Variants in CD55 observed in about 807,000 individuals in gnomAD.
The protein encoded by CD55 is CD55 molecule (Cromer blood group), also known as complement decay-accelerating factor.
A neutral mutation model predicts 45.8 loss-of-function variants in CD55; 41 were observed. The observed-to-expected ratio is 0.90, with a 90% CI of 0.70 to 1.16. The LOEUF (loss-of-function observed/expected upper bound fraction) is 1.16. Among genes scored for constraint, CD55 ranks in the 50% most tolerant of loss-of-function variants. The pLI is 0.00. For missense variants in CD55, 416 were observed against 469.8 expected, an observed-to-expected ratio of 0.89 and a Z score of 1.06; for synonymous variants, 181 against 181.1, an observed-to-expected ratio of 1.00 and a Z score of 0.01.
chr1:207,355,638 C>G (rs891898835), intron 9 of CD55, among the ~76,000 whole-genome samples: 6 of 152,096 alleles, frequency 3.9e-5, no homozygotes, highest in Admixed American at 2.6e-4. Flanking sequence ...GGCATATTTC[C>G]TGTGATGGAG....
intron 2 of CD55, among the ~76,000 whole-genome samples, chr1:207,323,179 A>G (rs959518071): frequency 2.0e-5 from 3 of 151,108 alleles, no homozygotes; most frequent in African/African-American, 7.3e-5. Context: ...AGGGAGAGAG[A>G]TATATATAAT....
chr1:207,353,672 T>G (rs1457619050), intron 9 of CD55, among the ~76,000 whole-genome samples: 1 of 152,164 alleles, frequency 6.6e-6, no homozygotes, highest in Non-Finnish European at 1.5e-5. Context: ...TGTGATACGT[T>G]TAGTCTGGAA....
At chr1:207,327,164 C>T (rs540378951) in intron 5 of CD55, among the ~76,000 whole-genome samples, 112 of 152,224 alleles carry the variant, frequency 7.4e-4, no homozygotes, top group African/African-American at 2.6e-3. Flanking sequence ...ATTTCCGCCC[C>T]ACAATTTTGT....
intron 7 of CD55, 82 bp from the exon 8 acceptor site, chr1:207,337,247 G>A: frequency 2.2e-6 from 2 of 890,548 alleles, no homozygotes; most frequent in Non-Finnish European, 1.9e-6. Context: ...TCCTTCAGCA[G>A]CACGTAAGTC....
intron 4 of CD55, 103 bp from the exon 5 acceptor site, chr1:207,326,649 C>A: frequency 1.2e-6 from 1 of 819,744 alleles, no homozygotes; most frequent in Non-Finnish European, 2.0e-6. Context: ...TTATATTCAC[C>A]TAATTGTGTA....
chr1:207,332,259 T>A (rs935884151), intron 6 of CD55, among the ~76,000 whole-genome samples: 6 of 152,152 alleles, frequency 3.9e-5, no homozygotes, highest in African/African-American at 9.6e-5. Flanking sequence ...ATCTAACCAG[T>A]CCTCTATTGA....
chr1:207,345,374 T>C (rs1655590775), intron 9 of CD55, among the ~76,000 whole-genome samples: 1 of 152,140 alleles, frequency 6.6e-6, no homozygotes, highest in African/African-American at 2.4e-5. Context: ...ATCAAGTATA[T>C]TATGTATTTC....
intron 5 of CD55, among the ~76,000 whole-genome samples, chr1:207,330,843 T>C (rs546113822): frequency 6.6e-6 from 1 of 152,334 alleles, no homozygotes; most frequent in African/African-American, 2.4e-5. Flanking sequence ...ATAATTTTTC[T>C]TTTACATACA....
At chr1:207,328,440 C>T (rs1204070598) in intron 5 of CD55, among the ~76,000 whole-genome samples, 1 of 152,226 alleles carries the variant, frequency 6.6e-6, no homozygotes, top group Non-Finnish European at 1.5e-5. Context: ...AGTATGTAGC[C>T]CTAGACTATA....
chr1:207,330,985 C>T, intron 5 of CD55, 123 bp from the exon 6 acceptor site: 1 of 772,254 alleles, frequency 1.3e-6, no homozygotes, highest in Non-Finnish European at 2.0e-6. Flanking sequence ...GTTGGTAATG[C>T]TGAATTTAGA....
At chr1:207,328,267 G>A (rs1480476773) in intron 5 of CD55, among the ~76,000 whole-genome samples, 3 of 152,150 alleles carry the variant, frequency 2.0e-5, no homozygotes, top group African/African-American at 7.2e-5. Flanking sequence ...TCTGCATCCT[G>A]TAGGAAAGAG....
At chr1:207,353,908 C>G in intron 9 of CD55, 1 of 1,109,414 alleles carries the variant, frequency 9.0e-7, no homozygotes, top group Non-Finnish European at 1.3e-6. Context: ...TGTCCACAGG[C>G]CCTTTATTCT....
At chr1:207,350,506 T>G (rs1425159266) in intron 9 of CD55, among the ~76,000 whole-genome samples, 4 of 152,164 alleles carry the variant, frequency 2.6e-5, no homozygotes, top group African/African-American at 7.2e-5. Context: ...GTTGGTAGGT[T>G]TTTTAAATTA....
chr1:207,337,718 A>G (rs1384218862), intron 8 of CD55: 1 of 231,170 alleles, frequency 4.3e-6, no homozygotes, highest in Non-Finnish European at 8.4e-6. Context: ...ATTATTCAAG[A>G]CCCCTTCAAA....
chr1:207,343,540 C>G (rs1425528455), intron 9 of CD55, among the ~76,000 whole-genome samples: 1 of 152,066 alleles, frequency 6.6e-6, no homozygotes, highest in Non-Finnish European at 1.5e-5. Context: ...TGAGAAGATA[C>G]TTGATACAAT....
Position 207,336,678 on chromosome 1 carries a change from C to T in CD55, c.854-15C>T. On this transcript the variant is annotated splice_polypyrimidine_tract_variant and intron_variant, in intron 6 of 9. Coordinates refer to ENST00000367064, the MANE Select transcript of CD55 (RefSeq NM_000574.5). ...AATATTTAGCTAACTTGTTTCTCAA[C>T]CTTTTCTTTCACAGGAAAATCTCTA... 6.2e-7 allele frequency: 1 copy of T among 1,612,730 alleles called. No individual in the cohort carries two copies. Among genetic ancestry groups the T allele is most frequent in the East Asian group, 2.2e-5 (1 of 44,856 alleles).
Position 207,359,525 on chromosome 1 carries a change from T to TTC in CD55, c.1082-20_1082-19insCT, listed in dbSNP as rs780828563. The TTC allele has an allele frequency of 3.8e-5, 58 of 1,519,490 alleles. 1 individual carries two copies. In the African/African-American group the frequency reaches 6.4e-4, roughly 17 times the overall value. The allele number at this position is 1,519,490 out of a possible 1,614,324, so 94.1% of individuals were successfully genotyped here. ...ATCATTTTGATTTTAACTTTTTTTT[T>TTC]TTTTTTTTTTTAATTTTCAGGGCAC... On this transcript the variant is annotated intron_variant, in intron 9 of 9. Coordinates refer to ENST00000367064, the MANE Select transcript of CD55 (RefSeq NM_000574.5).
At chr1:207,337,654 A>C in intron 8 of CD55, 5 of 332,362 alleles carry the variant, frequency 1.5e-5, no homozygotes, top group South Asian at 7.3e-5. Flanking sequence ...CTAAATTAAG[A>C]TTGGTAAAAA....
At chr1:207,334,294 C>CTTTG (rs1655076471) in intron 6 of CD55, among the ~76,000 whole-genome samples, 1 of 152,088 alleles carries the variant, frequency 6.6e-6, no homozygotes, top group Admixed American at 6.5e-5. Flanking sequence ...TTAATATATC[C>CTTTG]TTCAAAACTG....
Sources: allele counts gnomAD v4.1 joint callset (sites outside exome capture counted in the v4.1 genomes callset), GRCh38; gene constraint gnomAD v4.1.1; transcripts MANE v1.5; gene names NCBI Gene and HGNC (gene_info 2026-07-23, HGNC 2026-07-21).